BABAM2: variants seen among roughly 807,000 people sequenced by gnomAD.
BABAM2 encodes BRISC and BRCA1 A complex member 2.
In BABAM2, 31 loss-of-function variants were observed where a neutral mutation model predicts 54.7. The ratio of observed to expected loss-of-function variants is 0.57; its 90% CI spans 0.43 to 0.77. The LOEUF (loss-of-function observed/expected upper bound fraction) is 0.77. Among genes scored for constraint, BABAM2 ranks in the 30% least tolerant of loss-of-function variants. The pLI, the probability that BABAM2 is intolerant of heterozygous loss-of-function variation, is 0.00. For synonymous variants in BABAM2, 167 were observed against 162.9 expected (o/e 1.03, Z -0.19); for missense variants, 364 against 455.8 (o/e 0.80, Z 1.83).
At chr2:28,036,112 C>T (rs1676637796) in intron 5 of BABAM2, among the ~76,000 whole-genome samples, 1 of 152,160 alleles carries the variant, frequency 6.6e-6, no homozygotes, top group Non-Finnish European at 1.5e-5. Context: ...ATTGCCCCAT[C>T]TCTTTGGTGG....
chr2:28,003,373 A>G (rs559972232), intron 4 of BABAM2, among the ~76,000 whole-genome samples: 2 of 152,234 alleles, frequency 1.3e-5, no homozygotes, highest in East Asian at 3.9e-4. Flanking sequence ...CCTGGGCATC[A>G]GTGGTTTTAG....
intron 7 of BABAM2, among the ~76,000 whole-genome samples, chr2:28,144,637 G>A (rs1671341018): frequency 6.6e-6 from 1 of 152,182 alleles, no homozygotes; most frequent in African/African-American, 2.4e-5. Context: ...AGATAGCAGT[G>A]AGATGTCCAC....
intron 4 of BABAM2, among the ~76,000 whole-genome samples, chr2:27,993,312 A>G (rs1672906636): frequency 6.6e-6 from 1 of 152,170 alleles, no homozygotes; most frequent in African/African-American, 2.4e-5. Flanking sequence ...TTGTTAGATG[A>G]ACAGATTTCC....
chr2:28,025,582 C>G (rs537398199), intron 5 of BABAM2, 162 bp downstream of exon 5: 1 of 656,396 alleles, frequency 1.5e-6, no homozygotes. Flanking sequence ...TAATGTTTGT[C>G]TAGTTCATTG....
chr2:28,312,745 T>A (rs1689185565), intron 11 of BABAM2, among the ~76,000 whole-genome samples: 1 of 152,000 alleles, frequency 6.6e-6, no homozygotes, highest in African/African-American at 2.4e-5. Context: ...ACATGGAACA[T>A]GGAAGGAACT....
At chr2:28,193,804 A>C (rs1677201660) in intron 7 of BABAM2, among the ~76,000 whole-genome samples, 1 of 152,100 alleles carries the variant, frequency 6.6e-6, no homozygotes, top group East Asian at 1.9e-4. Flanking sequence ...TTCTCATTTT[A>C]TTCCATTAAT....
chr2:28,063,815 T>A, intron 6 of BABAM2, among the ~76,000 whole-genome samples: 1 of 152,192 alleles, frequency 6.6e-6, no homozygotes, highest in East Asian at 1.9e-4. Flanking sequence ...TTCCTGTCAC[T>A]TATGATCAAA....
At chr2:28,013,351 G>A (rs1674538620) in intron 4 of BABAM2, 1 of 455,680 alleles carries the variant, frequency 2.2e-6, no homozygotes, top group Non-Finnish European at 4.4e-6. Context: ...TCTGTTAGTT[G>A]GAAGTTTGGC....
intron 7 of BABAM2, among the ~76,000 whole-genome samples, chr2:28,229,646 A>G (rs1298141172): frequency 6.6e-6 from 1 of 150,668 alleles, no homozygotes; most frequent in Non-Finnish European, 1.5e-5. Context: ...GTACAGTGGC[A>G]CAATCTCATC....
chr2:27,991,910 T>A (rs1672808262), intron 4 of BABAM2, among the ~76,000 whole-genome samples: 1 of 152,204 alleles, frequency 6.6e-6, no homozygotes, highest in African/African-American at 2.4e-5. Flanking sequence ...TAACTCTATG[T>A]TTAACTTTTT....
chr2:28,061,776 T>A (rs1446378076), intron 6 of BABAM2, among the ~76,000 whole-genome samples: 1 of 148,398 alleles, frequency 6.7e-6, no homozygotes, highest in Non-Finnish European at 1.5e-5. Context: ...TTCAATAACT[T>A]TTTTTTTTTA....
At chr2:27,993,100 G>T (rs1032474411) in intron 4 of BABAM2, among the ~76,000 whole-genome samples, 3 of 152,164 alleles carry the variant, frequency 2.0e-5, no homozygotes, top group African/African-American at 7.2e-5. Context: ...GTGACCAACT[G>T]CCTTGATTTG....
At chr2:28,184,513 G>A (rs557659499) in intron 7 of BABAM2, among the ~76,000 whole-genome samples, 1 of 132,946 alleles carries the variant, frequency 7.5e-6, no homozygotes, top group African/African-American at 2.8e-5. Flanking sequence ...GGTATGTGAT[G>A]TTCCCCTTCC....
intron 10 of BABAM2, among the ~76,000 whole-genome samples, chr2:28,258,263 CG>C (rs1435843824): frequency 9.9e-5 from 15 of 152,218 alleles, no homozygotes; most frequent in Non-Finnish European, 1.2e-4. Flanking sequence ...TTTGTATGGA[CG>C]TATGTTTTTA....
In BABAM2 at chr2:28,056,987, AT is replaced by A. The variant is rs1035209902; in HGVS notation, c.570+11194del. ...TTAGTATGTAATTTACTAGAATGCA[AT>A]TTTTTAAGGAATGCGTATATCATAT... On this transcript the variant is annotated intron_variant, in intron 6 of 11. Coordinates refer to ENST00000379624, the MANE Select transcript of BABAM2 (RefSeq NM_199191.3). 5.6e-4 allele frequency among the ~76,000 whole-genome samples: 85 copies of A among 152,226 alleles called. 2 individuals are homozygous for A. Among genetic ancestry groups the A allele is most frequent in the African/African-American group, 2.0e-3 (81 of 41,504 alleles).
In BABAM2 at chr2:28,121,494, A is replaced by G. The variant is rs140538704; in HGVS notation, c.571-7777A>G. Among the ~76,000 whole-genome samples, 1,054 of 152,270 alleles carry G rather than the reference A, an allele frequency of 6.9e-3. 10 individuals are homozygous for G. The highest frequency in any genetic ancestry group is 0.027 in the Middle Eastern group (8 of 294). The stretch of plus-strand genomic sequence containing the variant: ...TACCATAACACATTGTGATGTCTTT[A>G]TGCCAGTAGAACCCAAATTCAAATT... On this transcript the variant is annotated intron_variant, in intron 6 of 11. Transcript: ENST00000379624.
intron 10 of BABAM2, among the ~76,000 whole-genome samples, chr2:28,290,205 T>G (rs981699079): frequency 2.6e-5 from 4 of 152,232 alleles, no homozygotes; most frequent in Admixed American, 1.3e-4. Context: ...TGTGAAAGAA[T>G]AGGCACAATG....
chr2:28,159,375 G>A (rs1438451497), intron 7 of BABAM2, among the ~76,000 whole-genome samples: 1 of 152,202 alleles, frequency 6.6e-6, no homozygotes, highest in African/African-American at 2.4e-5. Flanking sequence ...AGTGGAAAGA[G>A]CTGTGAGCTC....
At chr2:28,024,136 G>T (rs1675469638) in intron 4 of BABAM2, among the ~76,000 whole-genome samples, 1 of 152,278 alleles carries the variant, frequency 6.6e-6, no homozygotes, top group Non-Finnish European at 1.5e-5. Context: ...CGGGCACGGT[G>T]GCTCACGCCT....
Sources: gnomAD v4.1 joint callset for allele counts (sites outside exome capture counted in the v4.1 genomes callset) on GRCh38, gnomAD v4.1.1 for gene constraint, MANE v1.5 for transcripts, NCBI Gene and HGNC (gene_info 2026-07-23, HGNC 2026-07-21) for gene names.